The following PLPP4 variants were observed in gnomAD, a reference collection of about 807,000 sequenced individuals.
PLPP4 encodes phospholipid phosphatase 4, also known as diacylglycerol pyrophosphate like 2.
Under a neutral mutation model 32.2 loss-of-function variants are expected in PLPP4, and 20 were observed. The observed-to-expected ratio is 0.62, with a 90% confidence interval of 0.44 to 0.90. PLPP4 has a LOEUF of 0.90. Ranked by LOEUF, PLPP4 falls within the 40% of genes least tolerant of loss-of-function variation. PLPP4 has a pLI of 0.00. For missense variants in PLPP4, 257 were observed against 353.1 expected (o/e 0.73, Z 2.18); for synonymous variants, 127 against 133.0 (o/e 0.95, Z 0.31).
Position 120,531,873 on chromosome 10 carries a change from T to C in PLPP4, c.445+10778T>C, listed in dbSNP as rs78113200. On this transcript the variant is annotated intron_variant, in intron 5 of 6. Coordinates refer to ENST00000398250, the MANE Select transcript of PLPP4 (RefSeq NM_001030059.3). ...ATGTGTGTACACACACTACACACAC[T>C]ACACACACACACACACACACACATA... is the stretch of plus-strand genomic sequence containing the variant. 6.6e-3 allele frequency among the ~76,000 whole-genome samples: 974 copies of C among 148,250 alleles called. 9 individuals are homozygous for C. The highest frequency in any genetic ancestry group is 0.02 in the African/African-American group (821 of 40,066).
intron 5 of PLPP4, among the ~76,000 whole-genome samples, chr10:120,555,875 G>A (rs919963138): frequency 1.3e-5 from 2 of 152,226 alleles, no homozygotes; most frequent in Non-Finnish European, 2.9e-5. Context: ...AGAAATTCCA[G>A]TCTGGTAAGG....
At chr10:120,476,860 A>G (rs1564782649) in intron 1 of PLPP4, among the ~76,000 whole-genome samples, 1 of 152,164 alleles carries the variant, frequency 6.6e-6, no homozygotes, top group Non-Finnish European at 1.5e-5. Flanking sequence ...AAGCCCTTAC[A>G]TTGCCTTCAT....
intron 5 of PLPP4, among the ~76,000 whole-genome samples, chr10:120,558,333 T>G (rs1194860158): frequency 6.6e-6 from 1 of 151,958 alleles, no homozygotes; most frequent in South Asian, 2.1e-4. Flanking sequence ...TTGCTAATTT[T>G]GCTCATTATT....
At chr10:120,515,925 G>A (rs1589802565) in intron 3 of PLPP4, among the ~76,000 whole-genome samples, 1 of 152,202 alleles carries the variant, frequency 6.6e-6, no homozygotes, top group Non-Finnish European at 1.5e-5. Context: ...TGCTGTCACA[G>A]CAGTAAGTAG....
intron 5 of PLPP4, among the ~76,000 whole-genome samples, chr10:120,560,001 A>G (rs78446279): frequency 0.028 from 4,266 of 152,292 alleles, 73 homozygotes; most frequent in Middle Eastern, 0.037. Context: ...AGTGTTTTGA[A>G]TATCTACCTA....
At position 120,459,662 on chromosome 10, in the gene PLPP4, G is replaced by A. The variant is rs1347245076; in HGVS notation, c.56+2301G>A. 2.6e-5 allele frequency among the ~76,000 whole-genome samples: 4 copies of A among 152,214 alleles called. No individual in the cohort carries two copies. In the South Asian group the frequency reaches 6.2e-4, roughly 24 times the overall value. Reference sequence around the variant, plus strand: ...GAATCCGATTTCCCTGCTTCAGCCAGTGTAGCTCAGCAGCTAGTTTTGCTT... The same window carrying A: ...GAATCCGATTTCCCTGCTTCAGCCAATGTAGCTCAGCAGCTAGTTTTGCTT... On this transcript the variant is annotated intron_variant, in intron 1 of 6. Coordinates refer to ENST00000398250, the MANE Select transcript of PLPP4 (RefSeq NM_001030059.3).
chr10:120,582,408 G>C (rs1244978508), intron 6 of PLPP4, among the ~76,000 whole-genome samples: 1 of 152,068 alleles, frequency 6.6e-6, no homozygotes, highest in African/African-American at 2.4e-5. Flanking sequence ...TTGGGTGTCT[G>C]TCTCTGTGTC....
chr10:120,469,502 C>T (rs567851060), intron 1 of PLPP4, among the ~76,000 whole-genome samples: 41 of 152,292 alleles, frequency 2.7e-4, no homozygotes, highest in Admixed American at 9.1e-4. Context: ...GCTGGGATTA[C>T]AGGCATGACA....
At chr10:120,466,005 G>C (rs540088097) in intron 1 of PLPP4, among the ~76,000 whole-genome samples, 9 of 152,036 alleles carry the variant, frequency 5.9e-5, no homozygotes, top group Admixed American at 4.6e-4. Context: ...TTGGTTTTTG[G>C]TGAACATCTT....
intron 1 of PLPP4, among the ~76,000 whole-genome samples, chr10:120,493,994 C>G (rs192691774): frequency 6.6e-6 from 1 of 152,080 alleles, no homozygotes; most frequent in African/African-American, 2.4e-5. Flanking sequence ...AATAATTCCA[C>G]GAGCTAGCAG....
intron 5 of PLPP4, among the ~76,000 whole-genome samples, chr10:120,538,052 C>CTGTGTG (rs972974599): frequency 0.035 from 669 of 18,962 alleles, 81 homozygotes; most frequent in East Asian, 0.07. Flanking sequence ...CTCTCTCTCT[C>CTGTGTG]TGTGTGTGTG....
At position 120,457,503 on chromosome 10, in the gene PLPP4, C is replaced by T. The variant is rs183898656; in HGVS notation, c.56+142C>T. 2.3e-4 allele frequency: 150 copies of T among 639,492 alleles called. No individual in the cohort carries two copies. The African/African-American group carries it at 2.5e-3, about 11-fold the overall frequency. 39.6% of individuals were successfully genotyped at this position (639,492 alleles called of 1,614,324 possible). The stretch of plus-strand genomic sequence containing the variant: ...TCCCTTCCCCGCCAAGTGCCCGCAA[C>T]GTGTCCTACGGGACCAAGAGAGACC... On this transcript the variant is annotated intron_variant, in intron 1 of 6. Coordinates refer to ENST00000398250, the MANE Select transcript of PLPP4 (RefSeq NM_001030059.3).
intron 5 of PLPP4, among the ~76,000 whole-genome samples, chr10:120,528,242 T>G (rs1169070096): frequency 6.6e-6 from 1 of 151,306 alleles, no homozygotes; most frequent in Non-Finnish European, 1.5e-5. Flanking sequence ...GCTCGGCTAA[T>G]TTTTTGTATT....
chr10:120,503,592 G>T (rs369465082), intron 1 of PLPP4: 1 of 1,610,094 alleles, frequency 6.2e-7, no homozygotes, highest in Admixed American at 1.7e-5. Context: ...CATGGAATTG[G>T]TCCTTCTGGC....
chr10:120,504,337 T>A (rs1400360693), intron 2 of PLPP4, among the ~76,000 whole-genome samples: 2 of 152,304 alleles, frequency 1.3e-5, no homozygotes, highest in East Asian at 3.9e-4. Flanking sequence ...GACCTCACAG[T>A]CTAAACTAAT....
chr10:120,512,407 T>C (rs940316371), intron 2 of PLPP4, among the ~76,000 whole-genome samples: 1 of 152,200 alleles, frequency 6.6e-6, no homozygotes, highest in Non-Finnish European at 1.5e-5. Flanking sequence ...AGCTGAATCA[T>C]CAAACTGGTT....
intron 1 of PLPP4, among the ~76,000 whole-genome samples, chr10:120,481,593 A>G (rs928300953): frequency 1.3e-5 from 2 of 152,170 alleles, no homozygotes; most frequent in Admixed American, 1.3e-4. Flanking sequence ...GGTGCTTTAT[A>G]CAACTGGGTC....
chr10:120,542,981 T>G (rs748708487), intron 5 of PLPP4, among the ~76,000 whole-genome samples: 1 of 152,192 alleles, frequency 6.6e-6, no homozygotes, highest in Non-Finnish European at 1.5e-5. Context: ...ATAGGGACCA[T>G]GTGCATGTAG....
chr10:120,575,112 T>TGCTGTTTCTGTTTG lies in PLPP4; in HGVS notation c.446-16_446-3dup. Reference sequence around the variant, plus strand: ...ACTCACCACCTGCTAGAGTAACACCTGCTGTTTCTGTTTGGCAGTTGCCTT... The same window carrying TGCTGTTTCTGTTTG: ...ACTCACCACCTGCTAGAGTAACACCTGCTGTTTCTGTTTGGCTGTTTCTGTTTGGCAGTTGCCTT... On this transcript the variant is annotated intron_variant, in intron 5 of 6. Coordinates refer to ENST00000398250, the MANE Select transcript of PLPP4 (RefSeq NM_001030059.3). 1 of 1,608,646 alleles carries TGCTGTTTCTGTTTG rather than the reference T, an allele frequency of 6.2e-7. No individual in the cohort carries two copies. The highest frequency in any genetic ancestry group is 1.7e-4 in the Middle Eastern group (1 of 6,026).
Sources: allele counts gnomAD v4.1 joint callset (sites outside exome capture counted in the v4.1 genomes callset), GRCh38; gene constraint gnomAD v4.1.1; transcripts MANE v1.5; gene names NCBI Gene and HGNC (gene_info 2026-07-23, HGNC 2026-07-21).